RBMS3: variants seen among roughly 807,000 people sequenced by gnomAD.
RBMS3 encodes the protein RNA-binding motif, single-stranded-interacting protein 3.
RBMS3 carries 27 observed loss-of-function variants against 66.8 expected under a neutral mutation model. The ratio of observed to expected loss-of-function variants is 0.40; its 90% CI spans 0.30 to 0.56. The LOEUF (loss-of-function observed/expected upper bound fraction) is 0.56, where lower values mean the gene tolerates loss of function less well. RBMS3 is among the 20% of genes least tolerant of loss of function. The pLI is 0.40. For synonymous variants in RBMS3, 188 were observed against 183.0 expected, an observed-to-expected ratio of 1.03 and a Z score of -0.22; for missense variants, 513 against 549.5, an observed-to-expected ratio of 0.93 and a Z score of 0.66.
intron 3 of RBMS3, among the ~76,000 whole-genome samples, chr3:29,496,426 G>A (rs2043755986): frequency 6.6e-6 from 1 of 152,072 alleles, no homozygotes; most frequent in Non-Finnish European, 1.5e-5. Flanking sequence ...TTCAGAAAAG[G>A]TTAGCATATG....
At chr3:29,530,349 C>T (rs2045303798) in intron 3 of RBMS3, among the ~76,000 whole-genome samples, 2 of 151,992 alleles carry the variant, frequency 1.3e-5, no homozygotes, top group Admixed American at 1.3e-4. Flanking sequence ...ATTTCCACCC[C>T]AGAAATTTGG....
chr3:29,456,918 T>C (rs923906002), intron 2 of RBMS3, among the ~76,000 whole-genome samples: 4 of 152,174 alleles, frequency 2.6e-5, no homozygotes, highest in African/African-American at 4.8e-5. Context: ...AGTACTGTGA[T>C]AAAGATTGAA....
intron 12 of RBMS3, among the ~76,000 whole-genome samples, chr3:29,974,567 C>T (rs1268058290): frequency 2.0e-5 from 3 of 151,672 alleles, no homozygotes; most frequent in African/African-American, 7.3e-5. Context: ...AGGGTCTTAT[C>T]ACAGAAACCT....
At chr3:29,357,335 G>A (rs970874365) in intron 1 of RBMS3, among the ~76,000 whole-genome samples, 4 of 152,112 alleles carry the variant, frequency 2.6e-5, no homozygotes, top group Admixed American at 6.5e-5. Flanking sequence ...TGCTGAGAAT[G>A]ATGATTTCCA....
At chr3:29,975,590 T>C (rs1434495265) in intron 12 of RBMS3, among the ~76,000 whole-genome samples, 1 of 151,956 alleles carries the variant, frequency 6.6e-6, no homozygotes, top group Non-Finnish European at 1.5e-5. Flanking sequence ...TCTTGTTTTT[T>C]AATAAAATTT....
Position 29,890,381 on chromosome 3 carries a change from A to G in RBMS3, c.791+6173A>G, listed in dbSNP as rs184091296. On this transcript the variant is annotated intron_variant, in intron 8 of 14. Transcript: ENST00000383767. The stretch of plus-strand genomic sequence containing the variant: ...TATTATTCCTCATTCGCATTGCTCT[A>G]TGCAATTTAGCCGTCAAATATAACT... Among the ~76,000 whole-genome samples the G allele has an allele frequency of 4.3e-4, 65 of 151,730 alleles. 1 individual carries two copies. In the South Asian group the frequency reaches 8.5e-3, roughly 20 times the overall value.
At chr3:29,722,682 T>C (rs771962987) in intron 4 of RBMS3, among the ~76,000 whole-genome samples, 2 of 152,148 alleles carry the variant, frequency 1.3e-5, no homozygotes, top group Non-Finnish European at 2.9e-5. Flanking sequence ...TTGAAGATTA[T>C]AGGCCAATTA....
rs1312298894 is a variant in RBMS3 at position 29,699,669 on chromosome 3, T to C, written c.400-40051T>C. Among the ~76,000 whole-genome samples the C allele has an allele frequency of 3.3e-5, 5 of 152,320 alleles. No individual in the cohort carries two copies. The East Asian group carries it at 7.7e-4, about 24-fold the overall frequency. ...TACCTATGTCAAAAATAATTCTCTA[T>C]AAACATGATTTTAGTGTCCGCATAG... On this transcript the variant is annotated intron_variant, in intron 4 of 14. Coordinates refer to ENST00000383767, the MANE Select transcript of RBMS3 (RefSeq NM_001003793.3).
rs1056523783 is a variant in RBMS3 at position 29,664,423 on chromosome 3, G to T, written c.400-75297G>T. Among the ~76,000 whole-genome samples, 6 of 152,166 alleles carry T rather than the reference G, an allele frequency of 3.9e-5. No individual in the cohort carries two copies. The East Asian group carries it at 9.7e-4, about 25-fold the overall frequency. On this transcript the variant is annotated intron_variant, in intron 4 of 14. Coordinates refer to ENST00000383767, the MANE Select transcript of RBMS3 (RefSeq NM_001003793.3). ...GAATCGCTTGAACCCAGGAGGCAAA[G>T]GTTGCAGTGAGCCGAGATGGCACGA...
intron 4 of RBMS3, among the ~76,000 whole-genome samples, chr3:29,621,785 GAA>G (rs907717315): frequency 6.7e-6 from 1 of 148,876 alleles, no homozygotes; most frequent in Non-Finnish European, 1.5e-5. Flanking sequence ...AAGGATGAAA[GAA>G]AAAAAAAGTT....
intron 2 of RBMS3, among the ~76,000 whole-genome samples, chr3:29,459,545 A>G (rs913428584): frequency 6.6e-6 from 1 of 152,196 alleles, no homozygotes; most frequent in Non-Finnish European, 1.5e-5. Context: ...TCATCATGAG[A>G]AATATTCATT....
intron 4 of RBMS3, among the ~76,000 whole-genome samples, chr3:29,602,002 A>G (rs2048161140): frequency 6.6e-6 from 1 of 152,012 alleles, no homozygotes; most frequent in Non-Finnish European, 1.5e-5. Flanking sequence ...AGAAAATGAC[A>G]ATTGTCATTC....
chr3:29,859,820 A>G (rs1433714453), intron 6 of RBMS3, among the ~76,000 whole-genome samples: 2 of 152,192 alleles, frequency 1.3e-5, no homozygotes, highest in Non-Finnish European at 2.9e-5. Context: ...ATTGTGGTTG[A>G]AATTGAAAGC....
intron 4 of RBMS3, among the ~76,000 whole-genome samples, chr3:29,702,898 A>G (rs1435720150): frequency 1.3e-5 from 2 of 152,226 alleles, no homozygotes; most frequent in Non-Finnish European, 2.9e-5. Flanking sequence ...TCTTGAAGTC[A>G]GTGAGACCAA....
intron 6 of RBMS3, among the ~76,000 whole-genome samples, chr3:29,779,321 G>C (rs1324408430): frequency 6.6e-6 from 1 of 151,464 alleles, no homozygotes; most frequent in Non-Finnish European, 1.5e-5. Flanking sequence ...ATACATGTAT[G>C]TATATAAAGC....
At chr3:29,454,707 A>T (rs1000028453) in intron 2 of RBMS3, among the ~76,000 whole-genome samples, 12 of 152,090 alleles carry the variant, frequency 7.9e-5, no homozygotes, top group African/African-American at 2.9e-4. Flanking sequence ...CATGGTAAAA[A>T]TTTTCTGTTG....
intron 7 of RBMS3, among the ~76,000 whole-genome samples, chr3:29,879,799 T>TAA (rs60224819): frequency 1.3e-4 from 19 of 147,342 alleles, no homozygotes; most frequent in African/African-American, 4.0e-4. Context: ...CAACAATGGT[T>TAA]AAAAAAAAAA....
At chr3:29,337,131 T>C (rs2036002883) in intron 1 of RBMS3, among the ~76,000 whole-genome samples, 1 of 152,136 alleles carries the variant, frequency 6.6e-6, no homozygotes, top group Non-Finnish European at 1.5e-5. Flanking sequence ...TTAAAGATGA[T>C]TTCACTTTAA....
At chr3:29,306,025 A>G (rs1394686746) in intron 1 of RBMS3, among the ~76,000 whole-genome samples, 1 of 151,960 alleles carries the variant, frequency 6.6e-6, no homozygotes, top group Non-Finnish European at 1.5e-5. Context: ...ACAATGGCAC[A>G]TGTGTCTTCA....
Sources: gnomAD v4.1 joint callset for allele counts (sites outside exome capture counted in the v4.1 genomes callset) on GRCh38, gnomAD v4.1.1 for gene constraint, MANE v1.5 for transcripts, NCBI Gene and HGNC (gene_info 2026-07-23, HGNC 2026-07-21) for gene names.